Variants in PI4K2A observed in about 807,000 individuals in gnomAD.
The protein encoded by PI4K2A is phosphatidylinositol 4-kinase type 2-alpha.
PI4K2A carries 20 observed loss-of-function variants against 55.0 expected under a neutral mutation model. The ratio of observed to expected loss-of-function variants is 0.36; its 90% CI spans 0.26 to 0.53. The LOEUF (loss-of-function observed/expected upper bound fraction) is 0.53, where lower values mean the gene tolerates loss of function less well. Ranked by LOEUF, PI4K2A falls within the 20% of genes least tolerant of loss-of-function variation. The pLI, the probability that PI4K2A is intolerant of heterozygous loss-of-function variation, is 0.91. For synonymous variants in PI4K2A, 235 were observed against 258.5 expected (o/e 0.91, Z 0.87); for missense variants, 463 against 637.1 (o/e 0.73, Z 2.94).
chr10:97,650,278 C>CATTTTTT (rs2041524415), intron 1 of PI4K2A, among the ~76,000 whole-genome samples: 1 of 108,114 alleles, frequency 9.2e-6, no homozygotes, highest in Non-Finnish European at 1.8e-5. Context: ...GCTTCTGTAC[C>CATTTTTT]TTTTTTTTTT....
In PI4K2A at chr10:97,656,064, C is replaced by T. The variant is rs2058667936; in HGVS notation, c.637-221C>T. Reference sequence around the variant, plus strand: ...AAGGATTGTGGGAGATTTTAGTTGCCAGCAGTGGAAGTGTTGTACATACAT... The same window carrying T: ...AAGGATTGTGGGAGATTTTAGTTGCTAGCAGTGGAAGTGTTGTACATACAT... On this transcript the variant is annotated intron_variant, in intron 2 of 8. Transcript: ENST00000370631. The surrounding 1 kb of genome is among the most constrained non-coding windows in gnomAD (Gnocchi z 4.5). Among the ~76,000 whole-genome samples the T allele has an allele frequency of 6.6e-6, 1 of 152,146 alleles. No homozygotes were observed. The highest frequency in any genetic ancestry group is 6.5e-5 in the Admixed American group (1 of 15,274).
At chr10:97,671,740 C>T (rs918854444) in intron 8 of PI4K2A, among the ~76,000 whole-genome samples, 4 of 151,842 alleles carry the variant, frequency 2.6e-5, no homozygotes, top group Admixed American at 6.6e-5. Flanking sequence ...CCCGGGTTCA[C>T]GTGATTCTCC....
At chr10:97,649,609 A>ATTTTTTTTTTTTTTTTTTT in intron 1 of PI4K2A, among the ~76,000 whole-genome samples, 1 of 70,502 alleles carries the variant, frequency 1.4e-5, no homozygotes, top group Non-Finnish European at 3.1e-5. Flanking sequence ...TCCATAATAG[A>ATTTTTTTTTTTTTTTTTTT]TTTTTTTTTT....
At chr10:97,672,725 C>CTTT (rs146627600) in intron 8 of PI4K2A, among the ~76,000 whole-genome samples, 12,097 of 83,338 alleles carry the variant, frequency 0.15, 2,097 homozygotes, top group African/African-American at 0.3. Context: ...AGGGTCTGTT[C>CTTT]TTTTTTTTTT....
intron 1 of PI4K2A, among the ~76,000 whole-genome samples, chr10:97,646,067 C>T (rs1451303978): frequency 1.3e-5 from 2 of 151,998 alleles, no homozygotes; most frequent in Non-Finnish European, 2.9e-5. Context: ...AATTCTAAGA[C>T]TTTATTTGCC....
intron 4 of PI4K2A, among the ~76,000 whole-genome samples, chr10:97,659,677 C>G (rs1431353504): frequency 6.6e-6 from 1 of 152,042 alleles, no homozygotes; most frequent in Non-Finnish European, 1.5e-5. Context: ...TTGCAAGCTG[C>G]TCCTGGAACT....
chr10:97,658,154 A>G (rs1334914385), intron 4 of PI4K2A, among the ~76,000 whole-genome samples: 1 of 152,116 alleles, frequency 6.6e-6, no homozygotes, highest in African/African-American at 2.4e-5. Flanking sequence ...TTCATCTTGT[A>G]AAACTGAAGC....
Position 97,668,583 on chromosome 10 carries a change from A to G in PI4K2A, c.1278+1463A>G, listed in dbSNP as rs777824800. Among the ~76,000 whole-genome samples, 12 of 152,264 alleles carry G rather than the reference A, an allele frequency of 7.9e-5. No individual in the cohort carries two copies. The East Asian group carries it at 1.9e-3, about 24-fold the overall frequency. ...ACAGAGTGAGAACCTGTCTCAAGAT[A>G]ATAATAATGGTACCCACCTTACAGA... On this transcript the variant is annotated intron_variant, in intron 8 of 8. Transcript: ENST00000370631.
At chr10:97,658,840 A>G (rs577832466) in intron 4 of PI4K2A, among the ~76,000 whole-genome samples, 1 of 152,174 alleles carries the variant, frequency 6.6e-6, no homozygotes, top group Admixed American at 6.5e-5. Context: ...GATGGTAAGC[A>G]TCTTCTTATG....
intron 1 of PI4K2A, among the ~76,000 whole-genome samples, chr10:97,642,844 TTC>T (rs1222108772): frequency 0.03 from 542 of 18,294 alleles, 32 homozygotes; most frequent in Non-Finnish European, 0.036. Context: ...CCTTCCTTCC[TTC>T]CTTCCTTTCT....
chr10:97,650,867 T>G (rs1022997564), intron 1 of PI4K2A, 74 bp from the exon 2 acceptor site: 2 of 1,089,750 alleles, frequency 1.8e-6, no homozygotes, highest in African/African-American at 3.1e-5. Context: ...TCTTTCCAGA[T>G]TCCTGCTGAC....
At position 97,658,348 on chromosome 10, in the gene PI4K2A, TGTA is replaced by T. The variant is rs547167146; in HGVS notation, c.922+1378_922+1380del. Among the ~76,000 whole-genome samples the T allele has an allele frequency of 1.2e-4, 18 of 152,392 alleles. No homozygotes were observed. The South Asian group carries it at 3.7e-3, about 32-fold the overall frequency. ...TAACGTTCTCAAGGTACATCTATGA[TGTA>T]GTATATATCAGAATTTCCTTCCTTT... On this transcript the variant is annotated intron_variant, in intron 4 of 8. Transcript: ENST00000370631.
exon 9 of PI4K2A, chr10:97,673,845 T>A: frequency 9.5e-7 from 1 of 1,054,870 alleles, no homozygotes; most frequent in Non-Finnish European, 1.4e-6. Context: ...GCAGCACCTT[T>A]AAGAGCCCTC....
chr10:97,657,174 C>T (rs576024513), intron 4 of PI4K2A, among the ~76,000 whole-genome samples, 200 bp downstream of exon 4: 4 of 152,208 alleles, frequency 2.6e-5, no homozygotes, highest in Non-Finnish European at 4.4e-5. Context: ...ACACTTAACT[C>T]TTCCAAAGCA....
At position 97,641,188 on chromosome 10, in the gene PI4K2A, G is replaced by A. The variant is rs539318977; in HGVS notation, c.435+11G>A. 47 of 1,587,720 alleles carry A rather than the reference G, an allele frequency of 3.0e-5. No individual in the cohort carries two copies. Among genetic ancestry groups the A allele is most frequent in the South Asian group, 9.0e-5 (8 of 88,768 alleles). On this transcript the variant is annotated intron_variant, in intron 1 of 8. Coordinates refer to ENST00000370631, the Ensembl canonical transcript of PI4K2A. ...AAGGACCCTCAGGGGGTGAGTGCGGGGGTGGGGACCGCCGCCGCGGGCTGA... is the reference window on the plus strand; with the variant it reads ...AAGGACCCTCAGGGGGTGAGTGCGGAGGTGGGGACCGCCGCCGCGGGCTGA...
chr10:97,664,545 C>T (rs2041601153), intron 5 of PI4K2A, among the ~76,000 whole-genome samples: 1 of 152,148 alleles, frequency 6.6e-6, no homozygotes, highest in Non-Finnish European at 1.5e-5. Context: ...TTCTTCTGTT[C>T]TGCTTTCAGG....
At chr10:97,645,332 G>A (rs779721870) in intron 1 of PI4K2A, among the ~76,000 whole-genome samples, 5 of 152,108 alleles carry the variant, frequency 3.3e-5, no homozygotes, top group African/African-American at 4.8e-5. Context: ...TGGTAGATGG[G>A]GCGCAGTGGT....
At chr10:97,675,915 T>G (rs1275713483) in exon 9 of PI4K2A, 2 of 152,698 alleles carry the variant, frequency 1.3e-5, no homozygotes, top group Admixed American at 6.5e-5. Flanking sequence ...CCATAGGCCC[T>G]GCCTCCAGTG....
chr10:97,641,923 C>T (rs1383877430), intron 1 of PI4K2A, among the ~76,000 whole-genome samples: 1 of 152,222 alleles, frequency 6.6e-6, no homozygotes, highest in East Asian at 1.9e-4. Context: ...TGTCCCCTGC[C>T]TGTATATAAA....
Sources: allele counts gnomAD v4.1 joint callset (sites outside exome capture counted in the v4.1 genomes callset), GRCh38; gene constraint gnomAD v4.1.1; non-coding constraint Gnocchi (gnomAD v3.1); transcripts MANE v1.5; gene names NCBI Gene and HGNC (gene_info 2026-07-23, HGNC 2026-07-21).